The following FAM227B variants were observed in gnomAD, a reference collection of about 807,000 sequenced individuals.
The protein encoded by FAM227B is family with sequence similarity 227 member B, also known as protein FAM227B.
Under a neutral mutation model 73.8 loss-of-function variants are expected in FAM227B, and 88 were observed. That is an observed-to-expected ratio of 1.19 (90% CI 1.00 to 1.42). The LOEUF (loss-of-function observed/expected upper bound fraction) is 1.42, where lower values mean the gene tolerates loss of function less well. Ranked by LOEUF, FAM227B falls within the 40% of genes most tolerant of loss-of-function variation. The pLI is 0.00. For synonymous variants in FAM227B, 210 were observed against 190.5 expected (o/e 1.10, Z -0.84); for missense variants, 632 against 590.9 (o/e 1.07, Z -0.72).
intron 11 of FAM227B, among the ~76,000 whole-genome samples, chr15:49,493,145 A>G (rs1442993572): frequency 6.6e-6 from 1 of 151,746 alleles, no homozygotes; most frequent in African/African-American, 2.4e-5. Flanking sequence ...ATTGTACCTA[A>G]AGTTTAGCAA....
At position 49,365,327 on chromosome 15, in the gene FAM227B, A is replaced by G. The variant is rs192469112; in HGVS notation, c.1271+2121T>C. On this transcript the variant is annotated intron_variant, in intron 13 of 15. Transcript: ENST00000299338. ...CCCCTTTTTCATCAGCACCAGAACAACAAATGTAAGTATCATGCCAATAGC... is the reference window on the plus strand; with the variant it reads ...CCCCTTTTTCATCAGCACCAGAACAGCAAATGTAAGTATCATGCCAATAGC... The G allele has an allele frequency of 2.7e-5, 43 of 1,568,036 alleles. No homozygotes were observed. In the Middle Eastern group the frequency reaches 8.4e-4, roughly 31 times the overall value.
chr15:49,549,915 AC>A (rs551990926), intron 9 of FAM227B, among the ~76,000 whole-genome samples: 39,820 of 108,352 alleles, frequency 0.37, 6,017 homozygotes, highest in Admixed American at 0.47. Flanking sequence ...CGGGGGGCTG[AC>A]CCCCCCCACC....
At chr15:49,437,802 A>G (rs538707609) in intron 11 of FAM227B, among the ~76,000 whole-genome samples, 2 of 151,854 alleles carry the variant, frequency 1.3e-5, no homozygotes, top group South Asian at 4.1e-4. Context: ...ATGTGTGGAT[A>G]CCAACACCAA....
chr15:49,509,519 A>G (rs975694722), intron 10 of FAM227B, among the ~76,000 whole-genome samples: 5 of 152,146 alleles, frequency 3.3e-5, no homozygotes, highest in African/African-American at 9.6e-5. Context: ...ATCAAGGCAG[A>G]CGTGAAATTA....
At chr15:49,383,718 GAAGT>G (rs781076094) in intron 11 of FAM227B, among the ~76,000 whole-genome samples, 17 of 152,182 alleles carry the variant, frequency 1.1e-4, no homozygotes, top group Middle Eastern at 3.4e-3. Context: ...ACGGACATAA[GAAGT>G]AAGTTATAAA....
At position 49,572,601 on chromosome 15, in the gene FAM227B, C is replaced by T. The variant is rs548896885; in HGVS notation, c.645+2410G>A. Among the ~76,000 whole-genome samples the T allele has an allele frequency of 2.6e-5, 4 of 152,204 alleles. No homozygotes were observed. The South Asian group carries it at 8.3e-4, about 32-fold the overall frequency. ...AACAATGTGACATTTTCTCATTAAGCTGATCATTTTCATACCAAACAACCC... is the reference window on the plus strand; with the variant it reads ...AACAATGTGACATTTTCTCATTAAGTTGATCATTTTCATACCAAACAACCC... On this transcript the variant is annotated intron_variant, in intron 8 of 15. Coordinates refer to ENST00000299338, the MANE Select transcript of FAM227B (RefSeq NM_152647.3).
At chr15:49,390,435 G>A (rs1479235242) in intron 11 of FAM227B, among the ~76,000 whole-genome samples, 1 of 152,000 alleles carries the variant, frequency 6.6e-6, no homozygotes, top group Non-Finnish European at 1.5e-5. Context: ...TTTGTTCTTA[G>A]TATAAGGAAT....
intron 9 of FAM227B, among the ~76,000 whole-genome samples, chr15:49,554,824 T>C (rs1245257294): frequency 6.6e-6 from 1 of 152,172 alleles, no homozygotes; most frequent in Non-Finnish European, 1.5e-5. Flanking sequence ...TAACTTGGTG[T>C]TCTTGTGGGG....
intron 13 of FAM227B, among the ~76,000 whole-genome samples, chr15:49,359,072 T>C (rs1407569956): frequency 1.3e-5 from 2 of 152,048 alleles, no homozygotes; most frequent in African/African-American, 2.4e-5. Context: ...CCTTACACCT[T>C]ATACAAAAAT....
chr15:49,398,198 C>T (rs2047848770), intron 11 of FAM227B, among the ~76,000 whole-genome samples: 1 of 151,998 alleles, frequency 6.6e-6, no homozygotes, highest in Admixed American at 6.6e-5. Flanking sequence ...GGTTGCAATC[C>T]CAGTCTCTGA....
chr15:49,613,691 T>C (rs1242038172), intron 2 of FAM227B, among the ~76,000 whole-genome samples: 2 of 152,110 alleles, frequency 1.3e-5, no homozygotes, highest in South Asian at 2.1e-4. Flanking sequence ...CTTACTCTGA[T>C]ATAATTATTA....
chr15:49,543,305 T>C (rs1184795630), intron 9 of FAM227B, among the ~76,000 whole-genome samples: 1 of 152,214 alleles, frequency 6.6e-6, no homozygotes, highest in Non-Finnish European at 1.5e-5. Context: ...TTTGTATATC[T>C]TCTTTTGAGA....
intron 10 of FAM227B, 55 bp downstream of exon 10, chr15:49,541,625 C>T (rs201822223): frequency 2.3e-6 from 3 of 1,322,164 alleles, no homozygotes; most frequent in African/African-American, 1.5e-5. Flanking sequence ...AATACTGCAA[C>T]CCCAAAATTT....
chr15:49,570,720 T>C (rs1234498406), intron 8 of FAM227B, among the ~76,000 whole-genome samples: 1 of 151,132 alleles, frequency 6.6e-6, no homozygotes, highest in Non-Finnish European at 1.5e-5. Flanking sequence ...CATACAGTAT[T>C]TGTCTTTCTG....
chr15:49,547,183 C>T (rs1178287617), intron 9 of FAM227B, among the ~76,000 whole-genome samples: 2 of 151,948 alleles, frequency 1.3e-5, no homozygotes, highest in African/African-American at 4.8e-5. Context: ...CAAATTAAGC[C>T]TCATAAGTGA....
intron 11 of FAM227B, among the ~76,000 whole-genome samples, chr15:49,448,832 A>G (rs759215484): frequency 3.3e-5 from 5 of 151,846 alleles, no homozygotes; most frequent in African/African-American, 4.8e-5. Context: ...GAAGCTCTCC[A>G]AGAATGAACC....
chr15:49,399,544 A>C (rs1374925627), intron 11 of FAM227B, among the ~76,000 whole-genome samples: 13 of 145,604 alleles, frequency 8.9e-5, no homozygotes, highest in East Asian at 6.1e-4. Flanking sequence ...GAGACACAAC[A>C]AAAAAAGAGA....
chr15:49,328,783 T>C (rs1723745792), intron 15 of FAM227B, 108 bp from the exon 16 acceptor site: 1 of 1,426,820 alleles, frequency 7.0e-7, no homozygotes, highest in Admixed American at 2.8e-5. Flanking sequence ...GATTTTTTTT[T>C]TTTTTTGACA....
chr15:49,328,036 C>T lies in FAM227B; in HGVS notation c.*532G>A. On this transcript the variant is annotated 3_prime_UTR_variant, in exon 16 of 16. Coordinates refer to ENST00000299338, the MANE Select transcript of FAM227B (RefSeq NM_152647.3). ...CAATGGTACCTGCGGACAAGCTGCC[C>T]AGCTTTCTAGCAAATGTGCACAAAG... 4 of 1,613,948 alleles carry T rather than the reference C, an allele frequency of 2.5e-6. No homozygotes were observed. Among genetic ancestry groups the T allele is most frequent in the Non-Finnish European group, 1.7e-6 (2 of 1,179,890 alleles).
Sources: allele counts gnomAD v4.1 joint callset (sites outside exome capture counted in the v4.1 genomes callset), GRCh38; gene constraint gnomAD v4.1.1; transcripts MANE v1.5; gene names NCBI Gene and HGNC (gene_info 2026-07-23, HGNC 2026-07-21).